Variants in ATAD2 observed in about 807,000 individuals in gnomAD.
ATAD2 encodes ATPase family AAA domain containing 2, also known as ATPase family AAA domain-containing protein 2.
In ATAD2, 62 loss-of-function variants were observed where a neutral mutation model predicts 168.9. That is an observed-to-expected ratio of 0.37 (90% confidence interval 0.30 to 0.45). ATAD2 has a LOEUF of 0.45. Among genes scored for constraint, ATAD2 ranks in the 20% least tolerant of loss-of-function variants. The probability of loss-of-function intolerance (pLI) is 1.00; values close to 1 mark genes in which losing one functional copy is unlikely to be tolerated. For missense variants in ATAD2, 1,419 were observed against 1,667.8 expected (o/e 0.85, Z 2.60); for synonymous variants, 613 against 571.6 (o/e 1.07, Z -1.03).
chr8:123,383,790 A>C (rs1438000938), intron 1 of ATAD2, among the ~76,000 whole-genome samples: 2 of 151,712 alleles, frequency 1.3e-5, no homozygotes, highest in African/African-American at 2.4e-5. Flanking sequence ...AAAAAAAGAA[A>C]CTGAATGACT....
rs1277863108 is a variant in ATAD2 at position 123,370,790 on chromosome 8, A to G, written c.727+113T>C. The G allele has an allele frequency of 4.2e-6, 3 of 707,174 alleles. No individual in the cohort carries two copies. In the East Asian group the frequency reaches 8.8e-5, roughly 21 times the overall value. The allele number at this position is 707,174 out of a possible 1,614,324, so 43.8% of individuals were successfully genotyped here. A position where few individuals can be genotyped will look rare whatever the true frequency, so the allele number is the denominator to read the frequency against. ...CCACTTTTAAGTTACCAATCCTCTG[A>G]TCTCTCACAAACTACCATAAATGTC... On this transcript the variant is annotated intron_variant, in intron 6 of 27. Coordinates refer to ENST00000287394, the MANE Select transcript of ATAD2 (RefSeq NM_014109.4).
At chr8:123,351,468 C>T (rs1828457988) in intron 13 of ATAD2, among the ~76,000 whole-genome samples, 1 of 152,040 alleles carries the variant, frequency 6.6e-6, no homozygotes, top group African/African-American at 2.4e-5. Context: ...TGGCATCATC[C>T]CTGGTTAAAA....
chr8:123,380,431 CT>C, intron 2 of ATAD2, 97 bp downstream of exon 2: 1 of 1,263,282 alleles, frequency 7.9e-7, no homozygotes, highest in Non-Finnish European at 1.1e-6. Flanking sequence ...GCCCTAGAAC[CT>C]TGATGACCAG....
intron 15 of ATAD2, chr8:123,347,934 CCT>C (rs529340740): frequency 3.2e-4 from 163 of 513,206 alleles, no homozygotes; most frequent in African/African-American, 2.1e-3. Context: ...CTACTCTGCC[CCT>C]GATGGCCAAT....
intron 8 of ATAD2, among the ~76,000 whole-genome samples, chr8:123,366,529 G>A (rs1300757979): frequency 6.6e-6 from 1 of 152,128 alleles, no homozygotes; most frequent in Non-Finnish European, 1.5e-5. Context: ...CATCAATTGA[G>A]TGGACTACTA....
Position 123,321,131 on chromosome 8 carries a change from T to C in ATAD2, c.*3A>G, listed in dbSNP as rs763858726. 6.2e-7 allele frequency: 1 copy of C among 1,608,636 alleles called. No homozygotes were observed. Among genetic ancestry groups the C allele is most frequent in the Non-Finnish European group, 8.5e-7 (1 of 1,178,496 alleles). ...ATAAAGAATACTCGATACCATGACA[T>C]CATCATCTGGAACAACTGAAGTTTT... On this transcript the variant is annotated 3_prime_UTR_variant, in exon 28 of 28. Transcript: ENST00000287394.
intron 27 of ATAD2, 59 bp downstream of exon 27, chr8:123,322,877 TAA>T: frequency 6.6e-7 from 1 of 1,519,492 alleles, no homozygotes; most frequent in Non-Finnish European, 9.0e-7. Context: ...CAATCCTACA[TAA>T]GTGATATATT....
At chr8:123,398,903 A>G (rs528866161), upstream of ATAD2, among the ~76,000 whole-genome samples, 26 of 152,382 alleles carry the variant, frequency 1.7e-4, no homozygotes, top group Non-Finnish European at 3.2e-4. Flanking sequence ...AGAAAGGAAC[A>G]ATATTTAAAG....
upstream of ATAD2, chr8:123,400,559 G>A (rs1812982396): frequency 6.3e-6 from 3 of 474,104 alleles, no homozygotes; most frequent in East Asian, 5.1e-5. This position sits in a 1 kb window ranked among gnomAD's most constrained non-coding sequence, Gnocchi z 4.5. Context: ...ATGTTGGGTC[G>A]CCGGGTCTCT....
At chr8:123,396,503 C>T, upstream of ATAD2, 1 of 780,222 alleles carries the variant, frequency 1.3e-6, no homozygotes, top group South Asian at 1.9e-5. Flanking sequence ...ATCCCTCCGC[C>T]GTCTGTCCCG....
intron 19 of ATAD2, among the ~76,000 whole-genome samples, chr8:123,342,250 A>G (rs911386885): frequency 6.6e-6 from 1 of 152,252 alleles, no homozygotes; most frequent in Admixed American, 6.5e-5. Flanking sequence ...TACTTTATTA[A>G]TAGCCCTAAT....
In ATAD2 at chr8:123,396,257, A is replaced by T; in HGVS notation, c.101T>A (p.Ile34Asn). ...LSSDFLSLEHIGRRRLRSAGA... is the reference protein window; with the variant it reads ...LSSDFLSLEHNGRRRLRSAGA... ...GGCCGAGCGGAGCCGCCTCCGGCCG[A>T]TGTGCTCCAGACTGAGGAAGTCACT... Residue 34 changes from isoleucine (I) to asparagine (N), a missense_variant, in exon 1 of 28, where the codon ATC (isoleucine) becomes AAC (asparagine). Physicochemically the swap from Ile to Asn is moderately radical, Grantham distance 149. Transcript: ENST00000287394. The T allele has an allele frequency of 6.2e-7, 1 of 1,610,156 alleles. No individual in the cohort carries two copies. Among genetic ancestry groups the T allele is most frequent in the Non-Finnish European group, 8.5e-7 (1 of 1,179,416 alleles).
chr8:123,346,604 C>A lies in ATAD2; in HGVS notation c.2345+14G>T. The A allele has an allele frequency of 6.6e-7, 1 of 1,515,958 alleles. No homozygotes were observed. The highest frequency in any genetic ancestry group is 2.2e-4 in the Middle Eastern group (1 of 4,596). The allele number at this position is 1,515,958 out of a possible 1,614,324, so 93.9% of individuals were successfully genotyped here. The stretch of plus-strand genomic sequence containing the variant: ...TACACATGCAAAAAACATTGATTTG[C>A]AAGAAAAATATACCTATTCAAATGA... On this transcript the variant is annotated intron_variant, in intron 17 of 27. Coordinates refer to ENST00000287394, the MANE Select transcript of ATAD2 (RefSeq NM_014109.4).
At chr8:123,354,864 A>ATAT (rs1252391256) in intron 13 of ATAD2, among the ~76,000 whole-genome samples, 1 of 64,716 alleles carries the variant, frequency 1.5e-5, no homozygotes, top group South Asian at 6.3e-4. Context: ...AAAAAAAAAA[A>ATAT]ATATATATAT....
chr8:123,384,740 C>T lies in ATAD2; in HGVS notation c.172-4063G>A, dbSNP rs1829596400. On this transcript the variant is annotated intron_variant, in intron 1 of 27. Transcript: ENST00000287394. ...TCAACCATGTGAGATCTCCTAAAATCTTACTTTTCTTGCTCACAAAATTGG... is the reference window on the plus strand; with the variant it reads ...TCAACCATGTGAGATCTCCTAAAATTTTACTTTTCTTGCTCACAAAATTGG... Among the ~76,000 whole-genome samples the T allele has an allele frequency of 2.0e-5, 3 of 152,214 alleles. No individual in the cohort carries two copies. The South Asian group carries it at 6.2e-4, about 32-fold the overall frequency.
chr8:123,331,959 G>T (rs1827785449), intron 24 of ATAD2, among the ~76,000 whole-genome samples: 1 of 152,198 alleles, frequency 6.6e-6, no homozygotes, highest in Non-Finnish European at 1.5e-5. Context: ...TTATGCAGTT[G>T]TGATTTAATA....
intron 2 of ATAD2, among the ~76,000 whole-genome samples, chr8:123,373,358 A>G (rs1829206853): frequency 6.6e-6 from 1 of 152,140 alleles, no homozygotes; most frequent in Admixed American, 6.6e-5. Flanking sequence ...TATAACTGAC[A>G]TAACTATTTC....
Position 123,346,603 on chromosome 8 carries a change from G to A in ATAD2, c.2345+15C>T. ...TTACACATGCAAAAAACATTGATTTGCAAGAAAAATATACCTATTCAAATG... is the reference window on the plus strand; with the variant it reads ...TTACACATGCAAAAAACATTGATTTACAAGAAAAATATACCTATTCAAATG... On this transcript the variant is annotated intron_variant, in intron 17 of 27. Coordinates refer to ENST00000287394, the MANE Select transcript of ATAD2 (RefSeq NM_014109.4). 6.6e-7 allele frequency: 1 copy of A among 1,515,110 alleles called. No homozygotes were observed. The highest frequency in any genetic ancestry group is 1.3e-5 in the South Asian group (1 of 77,014). 93.9% of individuals were successfully genotyped at this position (1,515,110 alleles called of 1,614,324 possible).
rs545830085 is a variant in ATAD2, at chr8:123,367,920, C to T, written c.1049+1138G>A. Among the ~76,000 whole-genome samples the T allele has an allele frequency of 1.3e-4, 20 of 152,284 alleles. No individual in the cohort carries two copies. In the East Asian group the frequency reaches 3.9e-3, roughly 29 times the overall value. ...ACCAAAACATGATCAGATGGTCTGT[C>T]TCTAGGAGAAAACTTCCAAGAACTG... On this transcript the variant is annotated intron_variant, in intron 8 of 27. Transcript: ENST00000287394.
Sources: allele counts gnomAD v4.1 joint callset (sites outside exome capture counted in the v4.1 genomes callset), GRCh38; gene constraint gnomAD v4.1.1; non-coding constraint Gnocchi (gnomAD v3.1); transcripts MANE v1.5; gene names NCBI Gene and HGNC (gene_info 2026-07-23, HGNC 2026-07-21).